The following RPS29 variants were observed in gnomAD, a reference collection of about 807,000 sequenced individuals.
RPS29 encodes the protein small ribosomal subunit protein uS14.
For missense variants in RPS29, 60 were observed against 75.7 expected (o/e 0.79, Z 0.77); for synonymous variants, 37 against 26.9 (o/e 1.37, Z -1.16).
At chr14:49,593,257 C>G (rs1360791893) in intron 1 of RPS29, among the ~76,000 whole-genome samples, 1 of 152,220 alleles carries the variant, frequency 6.6e-6, no homozygotes, top group Admixed American at 6.5e-5. Context: ...CATATAACCA[C>G]TATGCTAGGC....
chr14:49,571,600 G>A (rs1294850946), exon 3 of RPS29: 1 of 152,102 alleles, frequency 6.6e-6, no homozygotes, highest in African/African-American at 2.4e-5. Flanking sequence ...AAGGGGTAGG[G>A]TGGAGATTTA....
exon 3 of RPS29, chr14:49,577,667 C>T: frequency 2.7e-6 from 2 of 751,696 alleles, no homozygotes; most frequent in South Asian, 3.0e-5. Flanking sequence ...TCTATGAACC[C>T]TGTTGTTAAT....
At chr14:49,586,090 T>C (rs1881540206) in intron 1 of RPS29, 41 bp from the exon 2 acceptor site, 2 of 1,561,190 alleles carry the variant, frequency 1.3e-6, no homozygotes, top group Non-Finnish European at 1.8e-6. Context: ...TCATAGAAAT[T>C]ACAAGACTCC....
chr14:49,584,018 G>A (rs1173443035), intron 2 of RPS29, among the ~76,000 whole-genome samples: 1 of 152,036 alleles, frequency 6.6e-6, no homozygotes, highest in Non-Finnish European at 1.5e-5. Flanking sequence ...GAGTCTCGCT[G>A]TCTCCCGGAC....
chr14:49,586,010 A>G lies in RPS29; in HGVS notation c.102T>C (p.Tyr34=), dbSNP rs777242331. The change falls in exon 2 of 3, where the codon TAT becomes TAC. Residue 34 remains tyrosine (Y), a synonymous_variant. Transcript: ENST00000245458. ...AACACTGGCGGCACATATTGAGGCC[A>G]TATTTCCGGATCAGACCGTGCCGGT... The part of the protein sequence containing the change: ...CSNRHGLIRK[Y]GLNMCRQCFR... 1.3e-5 allele frequency: 21 copies of G among 1,614,054 alleles called. No individual in the cohort carries two copies. Among genetic ancestry groups the G allele is most frequent in the East Asian group, 4.5e-5 (2 of 44,892 alleles).
intron 1 of RPS29, among the ~76,000 whole-genome samples, chr14:49,595,111 T>C (rs548290249): frequency 6.6e-6 from 1 of 152,320 alleles, no homozygotes; most frequent in Non-Finnish European, 1.5e-5. Flanking sequence ...TCCAGTCTTT[T>C]TTTTCCCTTT....
rs536574412 is a variant in RPS29, at chr14:49,574,105, T to C, written c.*3707A>G. Reference sequence around the variant, plus strand: ...CTTTGGCATTAAAATAATGAGATATTACTCTTTATGGGCAACTGTTAGGGG... The same window carrying C: ...CTTTGGCATTAAAATAATGAGATATCACTCTTTATGGGCAACTGTTAGGGG... On this transcript the variant is annotated 3_prime_UTR_variant, in exon 3 of 3. Coordinates refer to the RPS29 transcript ENST00000396020. 6.9e-4 allele frequency: 105 copies of C among 152,338 alleles called. 1 individual carries two copies. Among genetic ancestry groups the C allele is most frequent in the African/African-American group, 2.5e-3 (102 of 41,572 alleles). The allele number at this position is 152,338 out of a possible 1,614,324, so 9.4% of individuals were successfully genotyped here.
At chr14:49,589,740 C>T (rs997461116), upstream of RPS29, among the ~76,000 whole-genome samples, 1 of 152,180 alleles carries the variant, frequency 6.6e-6, no homozygotes, top group African/African-American at 2.4e-5. Flanking sequence ...TATGTATGTT[C>T]ATCGCAGCAC....
chr14:49,586,612 G>A (rs953484924), upstream of RPS29: 3 of 495,064 alleles, frequency 6.1e-6, no homozygotes, highest in Admixed American at 3.2e-5. Flanking sequence ...TGTAGTCCCA[G>A]CTACTCGGGA....
At chr14:49,579,436 T>G (rs192218831), downstream of RPS29, among the ~76,000 whole-genome samples, 2 of 152,304 alleles carry the variant, frequency 1.3e-5, no homozygotes, top group East Asian at 1.9e-4. Context: ...GAGTGGTGGC[T>G]CACACATGTA....
chr14:49,583,459 T>C, downstream of RPS29: 1 of 443,316 alleles, frequency 2.3e-6, no homozygotes. Context: ...TGAGCCGAGA[T>C]CGCGCCACTG....
At chr14:49,586,587 G>C, upstream of RPS29, 1 of 537,458 alleles carries the variant, frequency 1.9e-6, no homozygotes. Flanking sequence ...ACCGCCGGGC[G>C]CGGTGGCGCG....
At chr14:49,583,772 C>T (rs946335935) in intron 2 of RPS29, 97 bp from the exon 3 acceptor site, 4 of 775,844 alleles carry the variant, frequency 5.2e-6, no homozygotes, top group African/African-American at 1.8e-5. Context: ...TATAGAATTA[C>T]AGAACTGGAC....
exon 3 of RPS29, chr14:49,576,369 C>G (rs1380915136): frequency 6.6e-6 from 1 of 152,036 alleles, no homozygotes; most frequent in Non-Finnish European, 1.5e-5. Flanking sequence ...TCCCAAAAGG[C>G]TAGGATTACA....
At chr14:49,586,672 G>A (rs140397922), upstream of RPS29, 29 of 337,522 alleles carry the variant, frequency 8.6e-5, no homozygotes, top group African/African-American at 4.6e-4. Context: ...GCTGTAGTGC[G>A]CTATGCCGAT....
exon 3 of RPS29, chr14:49,574,431 A>G (rs1464746956): frequency 6.6e-6 from 1 of 152,230 alleles, no homozygotes; most frequent in African/African-American, 2.4e-5. Flanking sequence ...GAAGTTACAA[A>G]GTCAGCTCCC....
At chr14:49,591,619 ATTTT>A (rs35067386) in intron 1 of RPS29, among the ~76,000 whole-genome samples, 2 of 117,068 alleles carry the variant, frequency 1.7e-5, no homozygotes, top group African/African-American at 3.3e-5. Context: ...GCCCAATTTG[ATTTT>A]TTTTTTTTTT....
chr14:49,578,792 C>A (rs1050841487), downstream of RPS29, among the ~76,000 whole-genome samples: 3 of 152,196 alleles, frequency 2.0e-5, no homozygotes, highest in Admixed American at 2.0e-4. Flanking sequence ...AACTCCTGGC[C>A]TTGTGATCCA....
upstream of RPS29, among the ~76,000 whole-genome samples, chr14:49,590,005 A>G (rs1041277010): frequency 5.3e-5 from 8 of 152,314 alleles, no homozygotes; most frequent in African/African-American, 1.9e-4. Context: ...ACATGGACCC[A>G]AAGAAAGTAA....
Sources: gnomAD v4.1 joint callset for allele counts (sites outside exome capture counted in the v4.1 genomes callset) on GRCh38, gnomAD v4.1.1 for gene constraint, MANE v1.5 for transcripts, NCBI Gene and HGNC (gene_info 2026-07-23, HGNC 2026-07-21) for gene names.